NTM: variants seen among roughly 807,000 people sequenced by gnomAD.
The protein encoded by NTM is IgLON family member 2.
A neutral mutation model predicts 42.1 loss-of-function variants in NTM; 13 were observed. That is an observed-to-expected ratio of 0.31 (90% CI 0.20 to 0.49). NTM has a LOEUF of 0.49. Ranked by LOEUF, NTM falls within the 20% of genes least tolerant of loss-of-function variation. The pLI is 0.99. For synonymous variants in NTM, 187 were observed against 179.2 expected, an observed-to-expected ratio of 1.04 and a Z score of -0.35; for missense variants, 373 against 452.8, an observed-to-expected ratio of 0.82 and a Z score of 1.60.
intron 2 of NTM, among the ~76,000 whole-genome samples, chr11:132,046,282 A>G (rs1470982861): frequency 6.6e-6 from 1 of 152,152 alleles, no homozygotes. Flanking sequence ...GAGCTCTTCC[A>G]CAAGACAAAC....
In NTM at chr11:131,818,283, A is replaced by G. The variant is rs185681370; in HGVS notation, c.83-93281A>G. Among the ~76,000 whole-genome samples, 182 of 152,216 alleles carry G rather than the reference A, an allele frequency of 1.2e-3. 1 individual carries two copies. Among genetic ancestry groups the G allele is most frequent in the Admixed American group, 5.0e-3 (77 of 15,296 alleles). Reference sequence around the variant, plus strand: ...TTTCAACCCAGACTCGCTCCCATTGACTTTGGGAAATAGGTAAAACATACT... The same window carrying G: ...TTTCAACCCAGACTCGCTCCCATTGGCTTTGGGAAATAGGTAAAACATACT... On this transcript the variant is annotated intron_variant, in intron 1 of 8. Transcript: ENST00000683400.
At chr11:131,499,405 C>G (rs970129160) in intron 1 of NTM, among the ~76,000 whole-genome samples, 1 of 152,166 alleles carries the variant, frequency 6.6e-6, no homozygotes, top group Non-Finnish European at 1.5e-5. Context: ...ATCCGCCCCC[C>G]ACTCCCCGTC....
chr11:132,027,838 C>T (rs1179385216), intron 2 of NTM, among the ~76,000 whole-genome samples: 1 of 152,138 alleles, frequency 6.6e-6, no homozygotes, highest in Non-Finnish European at 1.5e-5. Context: ...CTGCTTCTTT[C>T]TCCCATCTAC....
chr11:132,330,239 C>T, intron 8 of NTM, 54 bp downstream of exon 8: 1 of 1,209,428 alleles, frequency 8.3e-7, no homozygotes, highest in Non-Finnish European at 1.2e-6. Context: ...GTATGTAAAA[C>T]TCTTCACCTT....
intron 1 of NTM, chr11:131,911,340 TTC>T (rs1434944907): frequency 6.7e-7 from 1 of 1,498,716 alleles, no homozygotes; most frequent in Non-Finnish European, 8.9e-7. Flanking sequence ...CTGCGCGCTT[TTC>T]TCCTCCCCGC....
intron 1 of NTM, chr11:131,794,966 C>A (rs551163789): frequency 1.0e-6 from 1 of 985,220 alleles, no homozygotes; most frequent in Non-Finnish European, 1.2e-6. Flanking sequence ...CAGTGCCTCT[C>A]CTCACTGGAG....
chr11:131,543,265 A>G (rs2053519639), intron 1 of NTM, among the ~76,000 whole-genome samples: 1 of 152,182 alleles, frequency 6.6e-6, no homozygotes, highest in Admixed American at 6.5e-5. Flanking sequence ...AAAACTTCCC[A>G]TAAAGTGGCA....
intron 2 of NTM, among the ~76,000 whole-genome samples, chr11:132,039,895 A>G (rs1184387813): frequency 6.6e-6 from 1 of 152,136 alleles, no homozygotes; most frequent in Non-Finnish European, 1.5e-5. Flanking sequence ...GTCAACTAAG[A>G]TAACCACCTG....
intron 1 of NTM, among the ~76,000 whole-genome samples, chr11:131,724,822 G>C (rs957659940): frequency 6.6e-6 from 1 of 152,226 alleles, no homozygotes; most frequent in South Asian, 2.1e-4. Flanking sequence ...AGCCTGGGGT[G>C]GGGAGAGCAG....
At chr11:132,102,738 C>T (rs986641756) in intron 2 of NTM, among the ~76,000 whole-genome samples, 3 of 152,126 alleles carry the variant, frequency 2.0e-5, no homozygotes, top group African/African-American at 4.8e-5. Flanking sequence ...CATAACTTTT[C>T]GGAAGGATGC....
At chr11:131,753,196 A>G (rs1310065623) in intron 1 of NTM, among the ~76,000 whole-genome samples, 1 of 152,174 alleles carries the variant, frequency 6.6e-6, no homozygotes, top group Admixed American at 6.5e-5. Flanking sequence ...ATGAGATACC[A>G]TCTCACACCA....
At position 131,409,009 on chromosome 11, in the gene NTM, G is replaced by A. The variant is rs76106289; in HGVS notation, c.82+38121G>A. Among the ~76,000 whole-genome samples, 1,474 of 152,310 alleles carry A rather than the reference G, an allele frequency of 9.7e-3. 29 individuals carry two copies. Among genetic ancestry groups the A allele is most frequent in the African/African-American group, 0.034 (1,416 of 41,550 alleles). On this transcript the variant is annotated intron_variant, in intron 1 of 8. Transcript: ENST00000683400. ...GTATCAATGTTGTGCCAAGCACCGT[G>A]CCAGGCAGGGACTGCAGCAGGCAAG...
intron 3 of NTM, among the ~76,000 whole-genome samples, chr11:132,149,383 G>A (rs2071353209): frequency 2.0e-5 from 3 of 152,004 alleles, no homozygotes; most frequent in Admixed American, 6.5e-5. Context: ...GGCATATTAG[G>A]TTTTCAAAAT....
At chr11:131,569,574 CTTTTTT>C (rs371565373) in intron 1 of NTM, among the ~76,000 whole-genome samples, 2 of 130,880 alleles carry the variant, frequency 1.5e-5, no homozygotes, top group Admixed American at 1.6e-4. Context: ...TTTCTTCTCT[CTTTTTT>C]TTTTTTTTTT....
At chr11:132,151,755 AAC>A (rs1056780913) in intron 3 of NTM, among the ~76,000 whole-genome samples, 1 of 152,324 alleles carries the variant, frequency 6.6e-6, no homozygotes, top group African/African-American at 2.4e-5. Context: ...AAAGAAGGGA[AAC>A]ACAAATGTCT....
intron 2 of NTM, among the ~76,000 whole-genome samples, chr11:132,105,159 G>A (rs1349684782): frequency 6.6e-6 from 1 of 150,812 alleles, no homozygotes; most frequent in African/African-American, 2.4e-5. Flanking sequence ...CCCAGTGGGT[G>A]GAAGGATTCA....
intron 3 of NTM, among the ~76,000 whole-genome samples, chr11:132,201,677 G>C (rs556184464): frequency 6.6e-6 from 1 of 152,288 alleles, no homozygotes; most frequent in Admixed American, 6.5e-5. Context: ...AGCACATCAG[G>C]GTTGGTTTTT....
intron 1 of NTM, chr11:131,538,969 G>GT (rs1449959413): frequency 2.8e-5 from 3 of 107,588 alleles, no homozygotes; most frequent in Non-Finnish European, 5.5e-5. Context: ...GTCTTGCTCT[G>GT]TTTCCCAGGC....
At chr11:131,965,396 G>A (rs918671550) in intron 2 of NTM, among the ~76,000 whole-genome samples, 31 of 152,266 alleles carry the variant, frequency 2.0e-4, no homozygotes, top group African/African-American at 7.5e-4. Context: ...TTGTAAGAAA[G>A]GAATGCAGTC....
Sources: gnomAD v4.1 joint callset for allele counts (sites outside exome capture counted in the v4.1 genomes callset) on GRCh38, gnomAD v4.1.1 for gene constraint, MANE v1.5 for transcripts, NCBI Gene and HGNC (gene_info 2026-07-23, HGNC 2026-07-21) for gene names.